The following TFCP2L1 variants were observed in gnomAD, a reference collection of about 807,000 sequenced individuals.
TFCP2L1 encodes transcription factor CP2-like protein 1.
TFCP2L1 carries 12 observed loss-of-function variants against 72.2 expected under a neutral mutation model. That is an observed-to-expected ratio of 0.17 (90% CI 0.11 to 0.27). The LOEUF is 0.27. Ranked by LOEUF, TFCP2L1 falls within the 10% of genes least tolerant of loss-of-function variation. TFCP2L1 has a pLI of 1.00. For missense variants in TFCP2L1, 488 were observed against 624.6 expected (o/e 0.78, Z 2.33); for synonymous variants, 260 against 251.0 (o/e 1.04, Z -0.34).
At chr2:121,255,748 T>TA (rs1234746887) in intron 2 of TFCP2L1, among the ~76,000 whole-genome samples, 8 of 151,196 alleles carry the variant, frequency 5.3e-5, no homozygotes, top group African/African-American at 4.8e-5. Flanking sequence ...TGAACTTATT[T>TA]TTTTTTTTTT....
rs2304667 is a variant in TFCP2L1 at position 121,231,913 on chromosome 2, G to A, written c.1254C>T (p.Ile418=). 0.49 allele frequency: 791,410 copies of A among 1,612,076 alleles called. 202,910 individuals carry two copies. The highest frequency in any genetic ancestry group is 0.53 in the Non-Finnish European group (628,040 of 1,178,874). ...ELTTLELIEK[I]ANLYSISPQH... is the part of the protein sequence containing the mutation. ...GGGGGGAGATGCTGTACAGGTTGGC[G>A]ATCTTCTCAATCAGCTCCAAGGTGG... is the stretch of plus-strand genomic sequence containing the variant. The change falls in exon 13 of 15, where the codon ATC becomes ATT. Residue 418 remains isoleucine (I), a synonymous_variant. Coordinates refer to ENST00000263707, the MANE Select transcript of TFCP2L1 (RefSeq NM_014553.3).
At chr2:121,260,812 C>G (rs1457743232) in intron 2 of TFCP2L1, among the ~76,000 whole-genome samples, 1 of 152,222 alleles carries the variant, frequency 6.6e-6, no homozygotes, top group Non-Finnish European at 1.5e-5. Flanking sequence ...GTGAGCAGAA[C>G]CCAGCACAGG....
chr2:121,235,397 T>TG (rs978605041), intron 10 of TFCP2L1, 86 bp from the exon 11 acceptor site: 167 of 833,532 alleles, frequency 2.0e-4, no homozygotes, highest in Middle Eastern at 5.0e-4. Context: ...CCCATAGCAC[T>TG]GGGGGTGGGG....
At chr2:121,235,332 G>A (rs1686223601) in intron 10 of TFCP2L1, 21 bp from the exon 11 acceptor site, 1 of 1,612,988 alleles carries the variant, frequency 6.2e-7, no homozygotes, top group Non-Finnish European at 8.5e-7. Flanking sequence ...AAAAAACGGG[G>A]ATGCCTGTTA....
At chr2:121,240,081 G>A (rs1327326104) in intron 7 of TFCP2L1, 2 of 985,210 alleles carry the variant, frequency 2.0e-6, no homozygotes, top group Non-Finnish European at 2.4e-6. Flanking sequence ...AAAATAAGCA[G>A]TAAGAGTCAG....
At chr2:121,251,284 G>C (rs1686608070) in intron 2 of TFCP2L1, among the ~76,000 whole-genome samples, 1 of 151,846 alleles carries the variant, frequency 6.6e-6, no homozygotes, top group African/African-American at 2.4e-5. Context: ...GTACATTAAA[G>C]TCCTGTGTAC....
intron 7 of TFCP2L1, chr2:121,240,815 G>T: frequency 1.1e-6 from 1 of 891,184 alleles, no homozygotes; most frequent in Non-Finnish European, 1.3e-6. Context: ...CTTGCATCCT[G>T]CCACTCCTTT....
At position 121,234,209 on chromosome 2, in the gene TFCP2L1, G is replaced by A; in HGVS notation, c.1095-15C>T. 6.2e-7 allele frequency: 1 copy of A among 1,611,464 alleles called. No homozygotes were observed. The highest frequency in any genetic ancestry group is 8.5e-7 in the Non-Finnish European group (1 of 1,177,564). ...GCCTCACATTCCTGGCAGGAGAAGAGAAAATAAATAATAGGTGTGGTGGAC... is the reference window on the plus strand; with the variant it reads ...GCCTCACATTCCTGGCAGGAGAAGAAAAAATAAATAATAGGTGTGGTGGAC... On this transcript the variant is annotated splice_polypyrimidine_tract_variant and intron_variant, in intron 11 of 14. Coordinates refer to ENST00000263707, the MANE Select transcript of TFCP2L1 (RefSeq NM_014553.3).
intron 8 of TFCP2L1, among the ~76,000 whole-genome samples, chr2:121,238,085 C>G (rs1168125874): frequency 6.6e-6 from 1 of 152,188 alleles, no homozygotes; most frequent in Non-Finnish European, 1.5e-5. Flanking sequence ...GGCTACACTG[C>G]CCCAGTCAAT....
chr2:121,255,745 A>AT (rs67001640), intron 2 of TFCP2L1, among the ~76,000 whole-genome samples: 24,405 of 141,434 alleles, frequency 0.17, 2,163 homozygotes, highest in East Asian at 0.35. Context: ...CCCTGAACTT[A>AT]TTTTTTTTTT....
intron 14 of TFCP2L1, 88 bp from the exon 15 acceptor site, chr2:121,224,475 G>T: frequency 7.0e-7 from 1 of 1,419,808 alleles, no homozygotes; most frequent in Non-Finnish European, 9.8e-7. Flanking sequence ...CGCTGTTAGG[G>T]TATCAGCAAA....
rs147895384 is a variant in TFCP2L1, at chr2:121,274,959, A to G, written c.214+6161T>C. On this transcript the variant is annotated intron_variant, in intron 2 of 14. Coordinates refer to ENST00000263707, the MANE Select transcript of TFCP2L1 (RefSeq NM_014553.3). Reference sequence around the variant, plus strand: ...CCTGTCTCAAAAAAAAAAAAAAATTATTTAATACATGGCTCAGCCCTATAG... The same window carrying G: ...CCTGTCTCAAAAAAAAAAAAAAATTGTTTAATACATGGCTCAGCCCTATAG... Among the ~76,000 whole-genome samples the G allele has an allele frequency of 2.8e-3, 424 of 152,102 alleles. 12 individuals carry two copies. In the East Asian group the frequency reaches 0.065, roughly 23 times the overall value.
At chr2:121,272,198 C>T (rs1013098798) in intron 2 of TFCP2L1, among the ~76,000 whole-genome samples, 1 of 152,172 alleles carries the variant, frequency 6.6e-6, no homozygotes, top group Admixed American at 6.5e-5. Context: ...AAGAGGGAAG[C>T]CTGATTTCAC....
At chr2:121,283,612 T>C (rs370788664) in intron 1 of TFCP2L1, among the ~76,000 whole-genome samples, 36 of 152,140 alleles carry the variant, frequency 2.4e-4, no homozygotes, top group Admixed American at 1.1e-3. Flanking sequence ...GTCAGAACTG[T>C]ACCTCCCAGG....
At chr2:121,247,404 T>C (rs368872026) in intron 5 of TFCP2L1, among the ~76,000 whole-genome samples, 5 of 152,166 alleles carry the variant, frequency 3.3e-5, no homozygotes, top group Non-Finnish European at 7.3e-5. Context: ...GCTGGAACCA[T>C]TTCTGTACTT....
At chr2:121,241,944 C>T (rs1170261706) in intron 7 of TFCP2L1, among the ~76,000 whole-genome samples, 1 of 152,022 alleles carries the variant, frequency 6.6e-6, no homozygotes, top group Non-Finnish European at 1.5e-5. Context: ...CACCTGCAGA[C>T]AAAGTTGGGC....
intron 1 of TFCP2L1, among the ~76,000 whole-genome samples, chr2:121,282,412 G>C (rs1181647589): frequency 6.6e-6 from 1 of 151,218 alleles, no homozygotes; most frequent in Non-Finnish European, 1.5e-5. Flanking sequence ...CAGGAACAGT[G>C]GCTCATGCCT....
chr2:121,260,040 G>C (rs1686802093), intron 2 of TFCP2L1, among the ~76,000 whole-genome samples: 1 of 152,204 alleles, frequency 6.6e-6, no homozygotes, highest in Non-Finnish European at 1.5e-5. Context: ...CCAGTTCATA[G>C]AGCAGGAAAC....
chr2:121,267,924 T>C (rs1039948812), intron 2 of TFCP2L1, among the ~76,000 whole-genome samples: 12 of 152,328 alleles, frequency 7.9e-5, no homozygotes, highest in Admixed American at 7.2e-4. Flanking sequence ...CGCACATCTG[T>C]AATCCCAGCA....
Sources: gnomAD v4.1 joint callset for allele counts (sites outside exome capture counted in the v4.1 genomes callset) on GRCh38, gnomAD v4.1.1 for gene constraint, MANE v1.5 for transcripts, NCBI Gene and HGNC (gene_info 2026-07-23, HGNC 2026-07-21) for gene names.